Variants in GSE1 observed in about 807,000 individuals in gnomAD.
GSE1 encodes genetic suppressor element 1.
GSE1 carries 32 observed loss-of-function variants against 112.6 expected under a neutral mutation model. The observed-to-expected ratio is 0.28, with a 90% CI of 0.21 to 0.38. The LOEUF (loss-of-function observed/expected upper bound fraction) is 0.38, where lower values mean the gene tolerates loss of function less well. Ranked by LOEUF, GSE1 falls within the 10% of genes least tolerant of loss-of-function variation. The pLI is 1.00. For missense variants in GSE1, 2,348 were observed against 1,699.2 expected (o/e 1.38, Z -6.71); for synonymous variants, 1,115 against 735.6 (o/e 1.52, Z -8.35).
chr16:85,215,075 A>G (rs2075286556), intron 1 of GSE1, among the ~76,000 whole-genome samples: 1 of 152,160 alleles, frequency 6.6e-6, no homozygotes, highest in Admixed American at 6.5e-5. Flanking sequence ...CACCGTTAAC[A>G]CTGACCCCTG....
At chr16:85,383,070 CAT>C (rs76976082) in intron 2 of GSE1, among the ~76,000 whole-genome samples, 18,719 of 151,898 alleles carry the variant, frequency 0.12, 1,914 homozygotes, top group African/African-American at 0.28. Flanking sequence ...CACACACACA[CAT>C]GTAATCACAG....
At chr16:85,187,823 C>G (rs536789710) in intron 1 of GSE1, among the ~76,000 whole-genome samples, 2 of 152,312 alleles carry the variant, frequency 1.3e-5, no homozygotes, top group East Asian at 1.9e-4. Flanking sequence ...GTGGTCCAGA[C>G]TGGGGAAATG....
chr16:85,442,051 T>G (rs1402156438), intron 2 of GSE1, among the ~76,000 whole-genome samples: 1 of 152,222 alleles, frequency 6.6e-6, no homozygotes, highest in Non-Finnish European at 1.5e-5. Flanking sequence ...CTGACCACCT[T>G]GCTGGTCTCC....
At chr16:85,530,987 C>G (rs115558471) in intron 2 of GSE1, among the ~76,000 whole-genome samples, 3,857 of 152,346 alleles carry the variant, frequency 0.025, 154 homozygotes, top group African/African-American at 0.089. Flanking sequence ...TTGGGCTGAA[C>G]CCCACCAGCC....
At chr16:85,186,641 G>A (rs1051152859) in intron 1 of GSE1, among the ~76,000 whole-genome samples, 10 of 151,386 alleles carry the variant, frequency 6.6e-5, no homozygotes, top group Non-Finnish European at 1.3e-4. Flanking sequence ...GTGTGGTGGC[G>A]CATGTCTGTG....
At chr16:85,625,120 G>C (rs926096279) in intron 1 of GSE1, among the ~76,000 whole-genome samples, 1 of 152,026 alleles carries the variant, frequency 6.6e-6, no homozygotes, top group Non-Finnish European at 1.5e-5. Context: ...TTGGTCTGTC[G>C]TGCCCCTTTA....
At chr16:85,443,913 G>C (rs1032735051) in intron 2 of GSE1, among the ~76,000 whole-genome samples, 2 of 151,878 alleles carry the variant, frequency 1.3e-5, no homozygotes, top group African/African-American at 4.8e-5. Flanking sequence ...TGCAGAAGCT[G>C]TGGGCCGGCC....
In GSE1 at chr16:85,178,486, C is replaced by G. The variant is rs560334848; in HGVS notation, c.2283+6679C>G. On this transcript the variant is annotated intron_variant, in intron 1 of 2. Transcript: ENST00000637419. ...AAAAATACCAATGACAGGGCCCTGC[C>G]CCCAGGCCTGTTAAATCAGGATCTC... is the stretch of plus-strand genomic sequence containing the variant. 2.0e-5 allele frequency among the ~76,000 whole-genome samples: 3 copies of G among 152,166 alleles called. No homozygotes were observed. In the East Asian group the frequency reaches 5.8e-4, roughly 30 times the overall value.
At chr16:85,224,786 G>C (rs1427154354) in intron 1 of GSE1, among the ~76,000 whole-genome samples, 1 of 151,082 alleles carries the variant, frequency 6.6e-6, no homozygotes, top group Non-Finnish European at 1.5e-5. Context: ...TCAGGAGTTC[G>C]AGACCAGCCT....
chr16:85,550,530 C>T (rs896358775), intron 2 of GSE1, among the ~76,000 whole-genome samples: 6 of 152,076 alleles, frequency 3.9e-5, no homozygotes, highest in Admixed American at 2.0e-4. Flanking sequence ...GCAGCTTCCC[C>T]GCCCCTCCCT....
chr16:85,551,453 C>G (rs2044910061), upstream of GSE1, among the ~76,000 whole-genome samples: 1 of 152,226 alleles, frequency 6.6e-6, no homozygotes, highest in Admixed American at 6.5e-5. Context: ...CCAAAAGCCA[C>G]AGCCAAGCCA....
chr16:85,429,982 G>T (rs1250857226), intron 2 of GSE1, among the ~76,000 whole-genome samples: 1 of 152,212 alleles, frequency 6.6e-6, no homozygotes, highest in Admixed American at 6.5e-5. Context: ...TTCTGCGGGG[G>T]CTCGGTAAAA....
chr16:85,306,257 C>G, intron 1 of GSE1: 1 of 154,318 alleles, frequency 6.5e-6, no homozygotes, highest in Middle Eastern at 5.2e-4. Context: ...GCCTCATTTC[C>G]TAATCCTCCT....
intron 2 of GSE1, among the ~76,000 whole-genome samples, chr16:85,518,041 C>T (rs1349338109): frequency 2.0e-5 from 3 of 152,204 alleles, no homozygotes; most frequent in Admixed American, 6.5e-5. Flanking sequence ...ACCAGGGACA[C>T]GGCTCCTGGC....
intron 2 of GSE1, among the ~76,000 whole-genome samples, chr16:85,645,144 C>G (rs1311373356): frequency 6.6e-6 from 1 of 151,518 alleles, no homozygotes; most frequent in East Asian, 1.9e-4. Flanking sequence ...GCCCGGTCGA[C>G]TTGGGGTGGT....
In GSE1 at chr16:85,581,572, T is replaced by C. The variant is rs1480337424; in HGVS notation, c.37+25209T>C. Among the ~76,000 whole-genome samples the C allele has an allele frequency of 4.6e-5, 7 of 152,196 alleles. No homozygotes were observed. The South Asian group carries it at 6.2e-4, about 13-fold the overall frequency. On this transcript the variant is annotated intron_variant, in intron 1 of 2. Coordinates refer to the GSE1 transcript ENST00000635906. Reference sequence around the variant, plus strand: ...GGCAGGACCCTGGAGAGCCTGGTCCTACCGCTCTCCTCTTCCGTAGAAGTT... The same window carrying C: ...GGCAGGACCCTGGAGAGCCTGGTCCCACCGCTCTCCTCTTCCGTAGAAGTT...
At chr16:85,554,752 C>T, upstream of GSE1, 5 of 494,006 alleles carry the variant, frequency 1.0e-5, no homozygotes, top group Non-Finnish European at 1.0e-5. Context: ...GGGCGAACTC[C>T]CGGCTCCCGC....
At chr16:85,532,966 C>A (rs904610156) in intron 2 of GSE1, among the ~76,000 whole-genome samples, 3 of 152,212 alleles carry the variant, frequency 2.0e-5, no homozygotes, top group African/African-American at 7.2e-5. Context: ...TACTCCAAAA[C>A]CAGCACAAAC....
chr16:85,298,396 AG>A (rs1369795776), intron 1 of GSE1, among the ~76,000 whole-genome samples: 2 of 152,302 alleles, frequency 1.3e-5, no homozygotes, highest in African/African-American at 4.8e-5. Context: ...CTGTTTGCAT[AG>A]CCCTGACAGA....
Sources: gnomAD v4.1 joint callset for allele counts (sites outside exome capture counted in the v4.1 genomes callset) on GRCh38, gnomAD v4.1.1 for gene constraint, MANE v1.5 for transcripts, NCBI Gene and HGNC (gene_info 2026-07-23, HGNC 2026-07-21) for gene names.